Variants in TXNL4A observed in about 807,000 individuals in gnomAD.
TXNL4A encodes the protein thioredoxin-like protein 4A.
Under a neutral mutation model 14.6 loss-of-function variants are expected in TXNL4A, and 17 were observed. The ratio of observed to expected loss-of-function variants is 1.16; its 90% confidence interval spans 0.80 to 1.74. The LOEUF is 1.74. Ranked by LOEUF, TXNL4A falls within the 40% of genes most tolerant of loss-of-function variation. The probability of loss-of-function intolerance (pLI) is 0.00; values close to 1 mark genes in which losing one functional copy is unlikely to be tolerated. For missense variants in TXNL4A, 74 were observed against 195.2 expected (o/e 0.38, Z 3.70); for synonymous variants, 83 against 70.6 (o/e 1.18, Z -0.88).
intron 2 of TXNL4A, 44 bp downstream of exon 2, chr18:79,977,554 A>G: frequency 6.9e-7 from 1 of 1,446,144 alleles, no homozygotes; most frequent in Non-Finnish European, 9.6e-7. Context: ...TAAGCTTCCA[A>G]ACTGACAATA....
intron 1 of TXNL4A, among the ~76,000 whole-genome samples, chr18:80,021,389 G>T (rs1161649538): frequency 6.6e-6 from 1 of 152,120 alleles, no homozygotes; most frequent in Non-Finnish European, 1.5e-5. Flanking sequence ...GTGTTAGCCA[G>T]GATGGTCTTG....
At chr18:79,993,152 G>A (rs560321349), upstream of TXNL4A, among the ~76,000 whole-genome samples, 25 of 152,212 alleles carry the variant, frequency 1.6e-4, no homozygotes, top group African/African-American at 5.3e-4. The surrounding 1 kb of genome is among the most constrained non-coding windows in gnomAD (Gnocchi z 4.4). Context: ...GAACCTGGGC[G>A]AAGGTGGCCC....
At chr18:80,009,093 C>T (rs1178449592) in intron 1 of TXNL4A, among the ~76,000 whole-genome samples, 1 of 152,126 alleles carries the variant, frequency 6.6e-6, no homozygotes, top group Non-Finnish European at 1.5e-5. Context: ...ATTTTTCTTT[C>T]TAGGTCTCAA....
chr18:79,977,962 CCTGGCCAACGGGGCAAT>C, intron 1 of TXNL4A: 1 of 438,052 alleles, frequency 2.3e-6, no homozygotes, highest in Middle Eastern at 6.2e-4. Context: ...AGCCATCACT[CCTGGCCAACGGGGCAAT>C]TTTCAAACTA....
intron 1 of TXNL4A, among the ~76,000 whole-genome samples, chr18:79,985,032 G>T (rs997839321): frequency 6.6e-6 from 1 of 152,116 alleles, no homozygotes; most frequent in Non-Finnish European, 1.5e-5. Context: ...TGGAAAGACA[G>T]CTCAAAGGTC....
intron 1 of TXNL4A, among the ~76,000 whole-genome samples, chr18:80,008,967 A>G (rs1321086047): frequency 2.0e-5 from 3 of 151,904 alleles, no homozygotes; most frequent in Non-Finnish European, 4.4e-5. Flanking sequence ...CAGTAGAGAC[A>G]AGGTGTCACC....
chr18:79,999,536 C>CAAA (rs1215965310), intron 1 of TXNL4A, among the ~76,000 whole-genome samples: 34 of 34,440 alleles, frequency 9.9e-4, no homozygotes, highest in African/African-American at 2.8e-3. Context: ...GACTCCATCT[C>CAAA]AAAAAAAAAA....
rs727502793 is a variant in TXNL4A at position 79,973,765 on chromosome 18, C to A, written c.349G>T (p.Glu117Ter). The change falls in exon 3 of 3, where the codon GAG becomes TAG. Residue 117 changes from glutamate (E) to a stop codon, truncating the protein, a stop_gained. Transcript: ENST00000269601. LOFTEE classifies it high-confidence loss of function. ...EDKQEMVDIIETVYRGARKGR... is the reference protein window; with the variant it reads ...EDKQEMVDII ...TTGCGGGCCCCGCGGTACACCGTCT[C>A]GATGATGTCCACCATCTCCTGCTTG... The A allele has an allele frequency of 2.5e-6, 4 of 1,614,174 alleles. No homozygotes were observed. The highest frequency in any genetic ancestry group is 3.4e-6 in the Non-Finnish European group (4 of 1,180,038).
intron 1 of TXNL4A, among the ~76,000 whole-genome samples, chr18:79,978,540 C>T (rs2051414246): frequency 6.6e-6 from 1 of 152,172 alleles, no homozygotes; most frequent in South Asian, 2.1e-4. Context: ...GCTGCCCAGG[C>T]TGGAGTGCAG....
chr18:80,003,964 T>C (rs1346436251), intron 1 of TXNL4A, among the ~76,000 whole-genome samples: 5 of 152,188 alleles, frequency 3.3e-5, no homozygotes, highest in Admixed American at 3.3e-4. Context: ...CGCTTGGTCC[T>C]GCTCTTGACA....
At chr18:80,008,783 C>G (rs2051749723) in intron 1 of TXNL4A, among the ~76,000 whole-genome samples, 1 of 152,042 alleles carries the variant, frequency 6.6e-6, no homozygotes, top group Admixed American at 6.5e-5. Context: ...TTCTTTCTTT[C>G]TTTCTTTCTT....
intron 2 of TXNL4A, among the ~76,000 whole-genome samples, chr18:79,975,699 C>T (rs1008400164): frequency 2.0e-5 from 3 of 152,200 alleles, no homozygotes; most frequent in Admixed American, 1.3e-4. Flanking sequence ...TACTGGGAAA[C>T]GGAGAAAAGG....
Position 79,972,902 on chromosome 18 carries a change from G to A in TXNL4A, c.*783C>T, listed in dbSNP as rs2051319570. On this transcript the variant is annotated 3_prime_UTR_variant, in exon 3 of 3. Coordinates refer to ENST00000269601, the MANE Select transcript of TXNL4A (RefSeq NM_006701.5). ...GGAAGGCTATAAACAATATTTTATT[G>A]TACTGTTTTTATAACCAGAGTAAAC... is the stretch of plus-strand genomic sequence containing the variant. The A allele has an allele frequency of 6.6e-6, 1 of 152,222 alleles. No individual in the cohort carries two copies. Among genetic ancestry groups the A allele is most frequent in the Non-Finnish European group, 1.5e-5 (1 of 68,052 alleles). 9.4% of individuals were successfully genotyped at this position (152,222 alleles called of 1,614,324 possible).
intron 2 of TXNL4A, chr18:79,976,605 A>C (rs1428016139): frequency 3.3e-6 from 1 of 307,298 alleles, no homozygotes; most frequent in Non-Finnish European, 6.4e-6. Flanking sequence ...TCTGACTTAC[A>C]GAACTGTGAG....
intron 1 of TXNL4A, among the ~76,000 whole-genome samples, chr18:80,007,831 T>G (rs138742874): frequency 6.6e-6 from 1 of 152,268 alleles, no homozygotes; most frequent in Non-Finnish European, 1.5e-5. Flanking sequence ...ATAAGGAGTT[T>G]TGCCTCCAGA....
chr18:80,012,777 C>A lies in TXNL4A; in HGVS notation c.-61+21074G>T, dbSNP rs1330687443. 2.6e-5 allele frequency among the ~76,000 whole-genome samples: 4 copies of A among 152,158 alleles called. No individual in the cohort carries two copies. In the East Asian group the frequency reaches 7.7e-4, roughly 29 times the overall value. The stretch of plus-strand genomic sequence containing the variant: ...TCTTAGACAACCCTCTTTACAGGGT[C>A]TGTTGGTTTAGACATCCCATTAGTC... On this transcript the variant is annotated intron_variant, in intron 1 of 2. Coordinates refer to the TXNL4A transcript ENST00000585474.
chr18:79,976,109 G>GA (rs776907631), intron 2 of TXNL4A, among the ~76,000 whole-genome samples: 19 of 152,184 alleles, frequency 1.2e-4, no homozygotes, highest in Non-Finnish European at 2.2e-4. Context: ...AGCGTATCCC[G>GA]ACGCCCAGAA....
At chr18:79,974,215 T>C (rs903682320) in intron 2 of TXNL4A, among the ~76,000 whole-genome samples, 3 of 152,072 alleles carry the variant, frequency 2.0e-5, no homozygotes, top group Non-Finnish European at 4.4e-5. Flanking sequence ...GAGTCCGAGA[T>C]CAACATGGAT....
intron 1 of TXNL4A, among the ~76,000 whole-genome samples, chr18:80,006,143 T>G (rs1402616050): frequency 6.6e-6 from 1 of 151,936 alleles, no homozygotes; most frequent in African/African-American, 2.4e-5. Flanking sequence ...CCCAGCACTT[T>G]GGGAGGCTAA....
Sources: allele counts gnomAD v4.1 joint callset (sites outside exome capture counted in the v4.1 genomes callset), GRCh38; gene constraint gnomAD v4.1.1; non-coding constraint Gnocchi (gnomAD v3.1); transcripts MANE v1.5; gene names NCBI Gene and HGNC (gene_info 2026-07-23, HGNC 2026-07-21).